Variants in DMD observed in about 807,000 individuals in gnomAD.
The protein encoded by DMD is mutant dystrophin.
A neutral mutation model predicts 330.1 loss-of-function variants in DMD; 63 were observed. The ratio of observed to expected loss-of-function variants is 0.19; its 90% CI spans 0.16 to 0.24. The LOEUF (loss-of-function observed/expected upper bound fraction) is 0.24, where lower values mean the gene tolerates loss of function less well. Ranked by LOEUF, DMD falls within the 10% of genes least tolerant of loss-of-function variation. The pLI is 1.00. For missense variants in DMD, 3,344 were observed against 2,684.1 expected, an observed-to-expected ratio of 1.25 and a Z score of -5.43; for synonymous variants, 1,223 against 959.8, an observed-to-expected ratio of 1.27 and a Z score of -5.07.
intron 34 of DMD, among the ~76,000 whole-genome samples, chrX:32,378,087 G>T (rs1447596637): frequency 9.1e-6 from 1 of 110,409 alleles, no homozygotes; most frequent in Non-Finnish European, 1.9e-5. Flanking sequence ...CTGGCACTAA[G>T]TTCTAGCAAA....
chrX:31,276,556 C>T (rs1428995109), intron 62 of DMD, among the ~76,000 whole-genome samples: 1 of 112,091 alleles, frequency 8.9e-6, no homozygotes, highest in Non-Finnish European at 1.9e-5. Context: ...AGAAGCTGAA[C>T]ACACACAGAC....
chrX:32,923,659 A>G (rs1379036320), intron 2 of DMD, among the ~76,000 whole-genome samples: 1 of 112,082 alleles, frequency 8.9e-6, no homozygotes, highest in Non-Finnish European at 1.9e-5. Flanking sequence ...TTTTATTAAT[A>G]GTGATTACAT....
At chrX:32,956,005 T>A (rs1343198484) in intron 2 of DMD, among the ~76,000 whole-genome samples, 1 of 111,852 alleles carries the variant, frequency 8.9e-6, no homozygotes, top group African/African-American at 3.2e-5. Flanking sequence ...TTGCTTAGTA[T>A]TGCCTTGGCT....
At chrX:31,137,326 T>G (rs111565368) in intron 76 of DMD, among the ~76,000 whole-genome samples, 13 of 112,406 alleles carry the variant, frequency 1.2e-4, no homozygotes, top group African/African-American at 4.2e-4. Flanking sequence ...GGCTCATCTC[T>G]TTTTAAGAAT....
intron 20 of DMD, 22 bp from the exon 21 acceptor site, chrX:32,485,121 G>GT (rs1253546083): frequency 8.4e-7 from 1 of 1,193,053 alleles, no homozygotes; most frequent in East Asian, 3.0e-5. Context: ...AGTATGGAAA[G>GT]TAAGTAACAC....
intron 42 of DMD, among the ~76,000 whole-genome samples, chrX:32,296,407 A>T (rs2097496621): frequency 9.0e-6 from 1 of 110,712 alleles, no homozygotes; most frequent in Non-Finnish European, 1.9e-5. Context: ...ACAATTAAAC[A>T]AACAAACAAA....
chrX:31,851,481 A>G (rs2093524896), intron 48 of DMD, among the ~76,000 whole-genome samples: 1 of 111,917 alleles, frequency 8.9e-6, no homozygotes, highest in Admixed American at 9.5e-5. Context: ...AACATCCAGA[A>G]GCCTCTATGG....
At chrX:31,485,096 A>G (rs890181016) in intron 57 of DMD, among the ~76,000 whole-genome samples, 9 of 112,953 alleles carry the variant, frequency 8.0e-5, no homozygotes, top group Non-Finnish European at 1.5e-4. Context: ...AAGCCACATA[A>G]GTGGAAAATC....
At chrX:31,383,034 TC>T (rs2060262032) in intron 60 of DMD, among the ~76,000 whole-genome samples, 1 of 109,697 alleles carries the variant, frequency 9.1e-6, no homozygotes, top group Non-Finnish European at 1.9e-5. Flanking sequence ...AATGGCCTGT[TC>T]CTGCCTTAAC....
chrX:32,868,176 C>T (rs12013648), intron 2 of DMD, among the ~76,000 whole-genome samples: 226 of 112,070 alleles, frequency 2.0e-3, no homozygotes, highest in African/African-American at 7.1e-3. Flanking sequence ...TTGTCCTACC[C>T]TGCCTGGGAA....
intron 7 of DMD, among the ~76,000 whole-genome samples, chrX:32,748,127 G>A (rs2148253710): frequency 9.1e-6 from 1 of 110,379 alleles, no homozygotes; most frequent in South Asian, 3.9e-4. Context: ...CAGATCACCT[G>A]AGGACAGAAG....
At chrX:31,658,676 C>T (rs760675285) in intron 53 of DMD, among the ~76,000 whole-genome samples, 1 of 112,113 alleles carries the variant, frequency 8.9e-6, no homozygotes, top group African/African-American at 3.2e-5. Flanking sequence ...TTTTAGAATA[C>T]CTTACTTTAA....
chrX:31,153,534 T>C (rs2037717823), intron 74 of DMD, among the ~76,000 whole-genome samples: 1 of 111,513 alleles, frequency 9.0e-6, no homozygotes, highest in African/African-American at 3.3e-5. Context: ...CCCAGCTATG[T>C]CTTTTTCATT....
rs1569561948 is a variant in DMD at position 32,418,971 on chromosome X, T to TAAAAAAAAAAA, written c.4072-7059_4072-7058insTTTTTTTTTTT. ...CTGGGTGACAGAGTGAGACTCTGTC[T>TAAAAAAAAAAA]CAAAAAAAAAAAAAAAAAAAAAAAA... On this transcript the variant is annotated intron_variant, in intron 29 of 78. Transcript: ENST00000357033. Among the ~76,000 whole-genome samples, 5 of 18,925 alleles carry TAAAAAAAAAAA rather than the reference T, an allele frequency of 2.6e-4. No homozygotes were observed. The African/African-American group carries it at 4.3e-3, about 16-fold the overall frequency. The allele number at this position is 18,925 out of a possible 115,157, so 16.4% of individuals were successfully genotyped here. A position where few individuals can be genotyped will look rare whatever the true frequency, so the allele number is the denominator to read the frequency against.
chrX:31,568,578 T>C (rs1312055331), intron 55 of DMD, among the ~76,000 whole-genome samples: 1 of 111,870 alleles, frequency 8.9e-6, no homozygotes, highest in Non-Finnish European at 1.9e-5. Context: ...ACATTACTGC[T>C]GCTGCTTTCT....
chrX:32,141,076 T>G (rs910197608), intron 44 of DMD, among the ~76,000 whole-genome samples: 1 of 110,932 alleles, frequency 9.0e-6, no homozygotes, highest in African/African-American at 3.3e-5. Context: ...GGAGTTTTGG[T>G]CACCTCATTG....
At chrX:32,241,686 C>T (rs73619041) in intron 43 of DMD, among the ~76,000 whole-genome samples, 4,706 of 112,288 alleles carry the variant, frequency 0.042, 241 homozygotes, top group African/African-American at 0.14. Flanking sequence ...TCTGTAAATA[C>T]ACATCATGAT....
At chrX:32,165,460 T>G (rs1048649651) in intron 44 of DMD, among the ~76,000 whole-genome samples, 2 of 112,496 alleles carry the variant, frequency 1.8e-5, no homozygotes, top group Admixed American at 1.9e-4. Context: ...TTGGCTAATT[T>G]CTCCCATTTG....
rs763652218 is a variant in DMD, at chrX:32,816,456, T to G, written c.530+12A>C. The G allele has an allele frequency of 1.2e-5, 14 of 1,210,177 alleles. No individual in the cohort carries two copies. The South Asian group carries it at 2.5e-4, about 21-fold the overall frequency. ...TTTTACAAGTTATTTAATGTCTCAGTAATCTTCTTACCTATGACTATGGAT... is the reference window on the plus strand; with the variant it reads ...TTTTACAAGTTATTTAATGTCTCAGGAATCTTCTTACCTATGACTATGGAT... On this transcript the variant is annotated intron_variant, in intron 6 of 78. Transcript: ENST00000357033.
Sources: gnomAD v4.1 joint callset for allele counts (sites outside exome capture counted in the v4.1 genomes callset) on GRCh38, gnomAD v4.1.1 for gene constraint, MANE v1.5 for transcripts, NCBI Gene and HGNC (gene_info 2026-07-23, HGNC 2026-07-21) for gene names.